Variants in DLGAP1 observed in about 807,000 individuals in gnomAD.
DLGAP1 encodes DLG associated protein 1.
In DLGAP1, 11 loss-of-function variants were observed where a neutral mutation model predicts 90.8. That is an observed-to-expected ratio of 0.12 (90% CI 0.08 to 0.20). DLGAP1 has a LOEUF of 0.20. DLGAP1 is among the 10% of genes least tolerant of loss of function. The probability of loss-of-function intolerance (pLI) is 1.00; values close to 1 mark genes in which losing one functional copy is unlikely to be tolerated. For synonymous variants in DLGAP1, 558 were observed against 540.7 expected (o/e 1.03, Z -0.44); for missense variants, 1,050 against 1,333.8 (o/e 0.79, Z 3.31).
intron 3 of DLGAP1, among the ~76,000 whole-genome samples, chr18:3,918,427 C>A (rs1306406869): frequency 6.6e-6 from 1 of 152,094 alleles, no homozygotes; most frequent in Non-Finnish European, 1.5e-5. Flanking sequence ...CTGTGCTAGA[C>A]GTTTTCCAGG....
At chr18:3,766,886 T>A (rs187792668) in intron 5 of DLGAP1, among the ~76,000 whole-genome samples, 36 of 152,158 alleles carry the variant, frequency 2.4e-4, no homozygotes, top group Admixed American at 6.5e-4. Context: ...AAATCAATAA[T>A]TAAGCTTTTC....
chr18:3,534,572 G>C lies in DLGAP1; in HGVS notation c.2101C>G (p.Gln701Glu). ...TRSNSVTTAV[Q>E]ADLDFHDNLE... is the part of the protein sequence containing the mutation. Reference sequence around the variant, plus strand: ...TTATCATGGAAGTCCAGGTCGGCCTGTACTGCTGTCGTCACACTGTTGGAT... The same window carrying C: ...TTATCATGGAAGTCCAGGTCGGCCTCTACTGCTGTCGTCACACTGTTGGAT... Residue 701 changes from glutamine to glutamate, a missense_variant, in exon 10 of 13, where the codon CAG becomes GAG. Physicochemically the swap from Gln to Glu is conservative, Grantham distance 29. This residue lies in a region of DLGAP1 where 565 missense variants were observed against 879.7 expected (regional missense o/e 0.64). Transcript: ENST00000315677. The C allele has an allele frequency of 6.2e-7, 1 of 1,610,522 alleles. No individual in the cohort carries two copies. The highest frequency in any genetic ancestry group is 8.5e-7 in the Non-Finnish European group (1 of 1,178,028).
rs113180755 is a variant in DLGAP1 at position 3,814,747 on chromosome 18, G to C, written c.958-474C>G. 1.2e-3 allele frequency among the ~76,000 whole-genome samples: 189 copies of C among 152,258 alleles called. 2 individuals are homozygous for C. The highest frequency in any genetic ancestry group is 4.4e-3 in the African/African-American group (184 of 41,542). On this transcript the variant is annotated intron_variant, in intron 4 of 12. Transcript: ENST00000315677. ...GTGTAATAATCACATCAGGGTAAAT[G>C]GGGTATCCATCACCTCAAGCATTTG... is the stretch of plus-strand genomic sequence containing the variant.
chr18:4,094,531 TTAAA>T (rs1251831246), intron 2 of DLGAP1, among the ~76,000 whole-genome samples: 1 of 151,958 alleles, frequency 6.6e-6, no homozygotes, highest in African/African-American at 2.4e-5. Flanking sequence ...TCTTATTGCC[TTAAA>T]TAAATTCAGT....
At chr18:3,831,147 A>T (rs1369118539) in intron 4 of DLGAP1, among the ~76,000 whole-genome samples, 2 of 152,158 alleles carry the variant, frequency 1.3e-5, no homozygotes, top group African/African-American at 4.8e-5. Context: ...TTGGCATCCA[A>T]GGAGCTGCAG....
chr18:4,049,149 C>T (rs1324750804), intron 2 of DLGAP1, among the ~76,000 whole-genome samples: 2 of 151,022 alleles, frequency 1.3e-5, no homozygotes, highest in African/African-American at 4.9e-5. Flanking sequence ...ATTGCTTGAA[C>T]CCAAGAGGCA....
intron 5 of DLGAP1, among the ~76,000 whole-genome samples, chr18:3,810,886 GC>G (rs2066798751): frequency 6.6e-6 from 1 of 151,966 alleles, no homozygotes; most frequent in African/African-American, 2.4e-5. Context: ...GCTCACTGCA[GC>G]CTTGACTTCC....
intron 1 of DLGAP1, among the ~76,000 whole-genome samples, chr18:4,396,203 G>T (rs1181868317): frequency 6.6e-6 from 1 of 152,122 alleles, no homozygotes; most frequent in East Asian, 1.9e-4. Flanking sequence ...GTAAAGAAAG[G>T]CAGAGAGCAG....
rs184910111 is a variant in DLGAP1 at position 3,839,328 on chromosome 18, G to A, written c.958-25055C>T. Reference sequence around the variant, plus strand: ...TATATTTGTCTCTAGGGGGTCTACTGTCTATTGGGGGACAGGTAGAATTAT... The same window carrying A: ...TATATTTGTCTCTAGGGGGTCTACTATCTATTGGGGGACAGGTAGAATTAT... On this transcript the variant is annotated intron_variant, in intron 4 of 12. Coordinates refer to ENST00000315677, the MANE Select transcript of DLGAP1 (RefSeq NM_004746.4). Among the ~76,000 whole-genome samples, 5 of 152,302 alleles carry A rather than the reference G, an allele frequency of 3.3e-5. No homozygotes were observed. In the East Asian group the frequency reaches 7.7e-4, roughly 24 times the overall value.
intron 10 of DLGAP1, among the ~76,000 whole-genome samples, chr18:3,530,297 C>T (rs1006665152): frequency 2.9e-4 from 44 of 152,058 alleles, no homozygotes; most frequent in African/African-American, 1.0e-3. Flanking sequence ...GTGACAGCTC[C>T]TCATGAGGCT....
intron 1 of DLGAP1, among the ~76,000 whole-genome samples, chr18:4,279,755 T>C (rs2079506839): frequency 6.6e-6 from 1 of 152,196 alleles, no homozygotes. Flanking sequence ...CTAACAGAAA[T>C]CATTTCTTCA....
chr18:4,226,839 CAAGAATA>C (rs1345952181), intron 1 of DLGAP1, among the ~76,000 whole-genome samples: 6 of 151,814 alleles, frequency 4.0e-5, no homozygotes, highest in Non-Finnish European at 1.5e-5. Flanking sequence ...AACAAAATCA[CAAGAATA>C]AGTCCTTACT....
intron 7 of DLGAP1, among the ~76,000 whole-genome samples, chr18:3,637,849 G>C (rs2058773593): frequency 6.6e-6 from 1 of 151,580 alleles, no homozygotes; most frequent in African/African-American, 2.4e-5. Flanking sequence ...AAAGACTAAT[G>C]CCTGACTTAC....
chr18:3,954,081 T>A, intron 3 of DLGAP1, among the ~76,000 whole-genome samples: 1 of 152,220 alleles, frequency 6.6e-6, no homozygotes, highest in East Asian at 1.9e-4. Flanking sequence ...ATATTTGGGT[T>A]TTCTCTTAAT....
chr18:4,314,948 GA>G (rs1390053324), intron 1 of DLGAP1, among the ~76,000 whole-genome samples: 1 of 152,172 alleles, frequency 6.6e-6, no homozygotes, highest in Non-Finnish European at 1.5e-5. Flanking sequence ...GACAATATGA[GA>G]AACATTTATC....
chr18:4,028,622 C>T (rs1380651368), intron 2 of DLGAP1, among the ~76,000 whole-genome samples: 1 of 152,150 alleles, frequency 6.6e-6, no homozygotes, highest in Non-Finnish European at 1.5e-5. Context: ...GAAAATAAAA[C>T]TTAAAAGAAA....
chr18:4,329,106 A>C (rs931880524), intron 1 of DLGAP1, among the ~76,000 whole-genome samples: 3 of 151,940 alleles, frequency 2.0e-5, no homozygotes, highest in Non-Finnish European at 4.4e-5. Flanking sequence ...ACTCACAAAG[A>C]TATTATTTTT....
At chr18:4,402,791 T>C (rs895821964) in intron 1 of DLGAP1, among the ~76,000 whole-genome samples, 4 of 152,326 alleles carry the variant, frequency 2.6e-5, no homozygotes, top group South Asian at 2.1e-4. Context: ...AAATGGAGTC[T>C]GGCTTATTTT....
intron 3 of DLGAP1, among the ~76,000 whole-genome samples, chr18:3,892,913 T>C (rs1440343218): frequency 6.8e-6 from 1 of 147,922 alleles, no homozygotes; most frequent in Non-Finnish European, 1.5e-5. Context: ...AATATATATA[T>C]TTATATATAT....
Sources: gnomAD v4.1 joint callset for allele counts (sites outside exome capture counted in the v4.1 genomes callset) on GRCh38, gnomAD v4.1.1 for gene constraint, gnomAD v4.1.1 regional missense constraint, MANE v1.5 for transcripts, NCBI Gene and HGNC (gene_info 2026-07-23, HGNC 2026-07-21) for gene names.